Variants in VEPH1 observed in about 807,000 individuals in gnomAD.
VEPH1 encodes ventricular zone-expressed PH domain-containing protein homolog 1.
Under a neutral mutation model 85.2 loss-of-function variants are expected in VEPH1, and 80 were observed. That is an observed-to-expected ratio of 0.94 (90% CI 0.78 to 1.13). The LOEUF (loss-of-function observed/expected upper bound fraction) is 1.13, where lower values mean the gene tolerates loss of function less well. Among genes scored for constraint, VEPH1 ranks in the 50% most tolerant of loss-of-function variants. The pLI is 0.00. For synonymous variants in VEPH1, 297 were observed against 348.0 expected, an observed-to-expected ratio of 0.85 and a Z score of 1.63; for missense variants, 955 against 980.5, an observed-to-expected ratio of 0.97 and a Z score of 0.35.
chr3:157,329,338 TGAAGGCAACAGGAATC>T (rs999805035), intron 9 of VEPH1, among the ~76,000 whole-genome samples: 222 of 152,330 alleles, frequency 1.5e-3, no homozygotes, highest in African/African-American at 5.1e-3. Context: ...CCACCTGAAC[TGAAGGCAACAGGAATC>T]GAAGAACAAC....
chr3:157,416,856 GAA>G (rs1305101609), intron 5 of VEPH1, among the ~76,000 whole-genome samples: 3 of 148,408 alleles, frequency 2.0e-5, no homozygotes, highest in Non-Finnish European at 4.5e-5. Context: ...AAGAAAGAGA[GAA>G]AGAGAAAGAA....
intron 2 of VEPH1, chr3:157,493,148 A>G: frequency 2.3e-6 from 1 of 427,826 alleles, no homozygotes; most frequent in South Asian, 1.7e-5. Context: ...AATTTACCAA[A>G]GGAAAATTGA....
intron 7 of VEPH1, among the ~76,000 whole-genome samples, chr3:157,369,204 A>AAAAAAAAAAAAAAAAAT (rs1727204831): frequency 6.8e-6 from 1 of 146,160 alleles, no homozygotes. Flanking sequence ...AAAAAAAAAA[A>AAAAAAAAAAAAAAAAAT]CCTCCTGAGG....
At chr3:157,262,933 T>C (rs1407925154) in intron 13 of VEPH1, among the ~76,000 whole-genome samples, 1 of 152,172 alleles carries the variant, frequency 6.6e-6, no homozygotes, top group African/African-American at 2.4e-5. Flanking sequence ...GTACAGAGAT[T>C]GATACGAAAA....
intron 7 of VEPH1, among the ~76,000 whole-genome samples, chr3:157,367,587 G>C (rs949290587): frequency 6.6e-6 from 1 of 152,186 alleles, no homozygotes; most frequent in Non-Finnish European, 1.5e-5. Context: ...TATAGCTGGG[G>C]TCATTAAAAC....
At chr3:157,499,346 G>T (rs1213789471) in intron 1 of VEPH1, 1 of 150,536 alleles carries the variant, frequency 6.6e-6, no homozygotes, top group Non-Finnish European at 1.5e-5. Flanking sequence ...GGCGCAAAAC[G>T]TGGCACATTT....
chr3:157,310,625 A>T (rs1166689543), intron 11 of VEPH1, among the ~76,000 whole-genome samples: 3 of 152,202 alleles, frequency 2.0e-5, no homozygotes, highest in Non-Finnish European at 4.4e-5. Flanking sequence ...TTCTCATACA[A>T]AACGTGTGGT....
At chr3:157,482,047 A>T (rs1021834680) in intron 2 of VEPH1, among the ~76,000 whole-genome samples, 4 of 152,190 alleles carry the variant, frequency 2.6e-5, no homozygotes, top group Non-Finnish European at 5.9e-5. Context: ...TTTTTATACC[A>T]GTACCATGCT....
chr3:157,389,888 T>C (rs1729694027), intron 6 of VEPH1, among the ~76,000 whole-genome samples: 1 of 152,196 alleles, frequency 6.6e-6, no homozygotes, highest in South Asian at 2.1e-4. Flanking sequence ...CTTCAGCATA[T>C]TTTCCAGTTT....
Position 157,388,551 on chromosome 3 carries a change from A to G in VEPH1, c.907-7175T>C, listed in dbSNP as rs1056269587. On this transcript the variant is annotated intron_variant, in intron 6 of 13. Transcript: ENST00000362010. The stretch of plus-strand genomic sequence containing the variant: ...GAGAATGTAGGCAGGTAGAAAATTC[A>G]ACTCAGAGGACTCTGTTCAATAGAC... Among the ~76,000 whole-genome samples the G allele has an allele frequency of 4.6e-5, 7 of 152,278 alleles. No homozygotes were observed. The South Asian group carries it at 8.3e-4, about 18-fold the overall frequency.
rs890327668 is a variant in VEPH1, at chr3:157,302,455, A to G, written c.2010+11166T>C. On this transcript the variant is annotated intron_variant, in intron 11 of 13. Transcript: ENST00000362010. ...CTTTGGGAGGTATTAAGTCTTGGGGATGGAGTCCTCATAAACGGGATTAGT... is the reference window on the plus strand; with the variant it reads ...CTTTGGGAGGTATTAAGTCTTGGGGGTGGAGTCCTCATAAACGGGATTAGT... 2.0e-5 allele frequency among the ~76,000 whole-genome samples: 3 copies of G among 152,110 alleles called. No individual in the cohort carries two copies. In the South Asian group the frequency reaches 6.2e-4, roughly 32 times the overall value.
chr3:157,357,082 A>G (rs1725526599), intron 9 of VEPH1, among the ~76,000 whole-genome samples: 1 of 152,230 alleles, frequency 6.6e-6, no homozygotes, highest in South Asian at 2.1e-4. Context: ...ATGCCACAGA[A>G]AACAACTGCT....
intron 9 of VEPH1, among the ~76,000 whole-genome samples, chr3:157,333,886 A>T (rs1722720387): frequency 6.6e-6 from 1 of 152,198 alleles, no homozygotes; most frequent in Non-Finnish European, 1.5e-5. Context: ...TAAGCCTAAG[A>T]TCATGTATAT....
intron 4 of VEPH1, among the ~76,000 whole-genome samples, chr3:157,430,487 T>C (rs1048364788): frequency 2.0e-5 from 3 of 152,266 alleles, no homozygotes; most frequent in Non-Finnish European, 4.4e-5. Context: ...AAAGACATTA[T>C]GTTGTCATTA....
At chr3:157,454,238 G>A (rs1735194536) in intron 4 of VEPH1, among the ~76,000 whole-genome samples, 1 of 152,046 alleles carries the variant, frequency 6.6e-6, no homozygotes, top group Non-Finnish European at 1.5e-5. Context: ...TACATATAAA[G>A]TGAAATTGGT....
At chr3:157,284,668 GAA>G (rs71760872) in intron 12 of VEPH1, among the ~76,000 whole-genome samples, 84 of 142,156 alleles carry the variant, frequency 5.9e-4, no homozygotes, top group Middle Eastern at 7.7e-3. Flanking sequence ...GGGTTTTGGT[GAA>G]AAAAAAAAAA....
intron 5 of VEPH1, among the ~76,000 whole-genome samples, chr3:157,417,685 T>A (rs986673698): frequency 6.6e-6 from 1 of 152,142 alleles, no homozygotes; most frequent in African/African-American, 2.4e-5. Context: ...TCTCATACTT[T>A]CAAATTCGAT....
At chr3:157,480,084 GTC>G (rs10651809) in intron 2 of VEPH1, among the ~76,000 whole-genome samples, 306 of 129,860 alleles carry the variant, frequency 2.4e-3, no homozygotes, top group African/African-American at 7.4e-3. Context: ...CTTTCTTTCT[GTC>G]TCTCTCTCTC....
chr3:157,289,979 C>T lies in VEPH1; in HGVS notation c.2011-3305G>A, dbSNP rs75080793. Reference sequence around the variant, plus strand: ...TATGGGAAGGACTTATGAATTGCTTCTGGCCAAGAATATGTCAAAGGGGAT... The same window carrying T: ...TATGGGAAGGACTTATGAATTGCTTTTGGCCAAGAATATGTCAAAGGGGAT... On this transcript the variant is annotated intron_variant, in intron 11 of 13. Coordinates refer to ENST00000362010, the MANE Select transcript of VEPH1 (RefSeq NM_001167912.2). 7.1e-3 allele frequency among the ~76,000 whole-genome samples: 1,082 copies of T among 151,798 alleles called. 18 individuals are homozygous for T. Among genetic ancestry groups the T allele is most frequent in the African/African-American group, 0.022 (925 of 41,344 alleles).
Sources: gnomAD v4.1 joint callset for allele counts (sites outside exome capture counted in the v4.1 genomes callset) on GRCh38, gnomAD v4.1.1 for gene constraint, MANE v1.5 for transcripts, NCBI Gene and HGNC (gene_info 2026-07-23, HGNC 2026-07-21) for gene names.